Variants in ODF2 observed in about 807,000 individuals in gnomAD.
ODF2 encodes outer dense fiber protein 2.
Under a neutral mutation model 110.2 loss-of-function variants are expected in ODF2, and 47 were observed. That is an observed-to-expected ratio of 0.43 (90% CI 0.34 to 0.54). ODF2 has a LOEUF of 0.54. Among genes scored for constraint, ODF2 ranks in the 20% least tolerant of loss-of-function variants. The pLI, the probability that ODF2 is intolerant of heterozygous loss-of-function variation, is 0.03. For synonymous variants in ODF2, 352 were observed against 397.7 expected (o/e 0.89, Z 1.37); for missense variants, 812 against 1,054.5 (o/e 0.77, Z 3.19).
At chr9:128,500,401 C>A in exon 21 of ODF2, 1 of 709,206 alleles carries the variant, frequency 1.4e-6, no homozygotes, top group Non-Finnish European at 2.3e-6. Context: ...CTAGAAAAGT[C>A]CCAAAAGCAG....
intron 8 of ODF2, among the ~76,000 whole-genome samples, chr9:128,478,160 C>A (rs1442869620): frequency 6.6e-6 from 1 of 152,114 alleles, no homozygotes; most frequent in Non-Finnish European, 1.5e-5. Context: ...CCACACCTGG[C>A]TAATTTTTTG....
chr9:128,461,133 G>A, intron 4 of ODF2, 66 bp downstream of exon 4: 6 of 1,566,642 alleles, frequency 3.8e-6, no homozygotes, highest in Non-Finnish European at 4.3e-6. Flanking sequence ...CTCAGCCTCG[G>A]TATGATTCAG....
rs115149570 is a variant in ODF2 at position 128,491,774 on chromosome 9, C to T, written c.1537-652C>T. Among the ~76,000 whole-genome samples the T allele has an allele frequency of 4.9e-3, 744 of 151,750 alleles. 12 individuals carry two copies. The highest frequency in any genetic ancestry group is 0.017 in the African/African-American group (716 of 41,392). On this transcript the variant is annotated intron_variant, in intron 14 of 20. Transcript: ENST00000604420. ...TATAGTATAGTCTCATTCTTTTTGA[C>T]AGAAACGAAAAAGTTATGCAGCTAT... is the stretch of plus-strand genomic sequence containing the variant.
At chr9:128,456,116 C>T (rs1296091954), upstream of ODF2, 6 of 1,546,958 alleles carry the variant, frequency 3.9e-6, no homozygotes, top group African/African-American at 8.2e-5. Context: ...GACCGGGTGT[C>T]GGAAAAGGAG....
intron 5 of ODF2, among the ~76,000 whole-genome samples, chr9:128,470,768 G>C (rs1252777465): frequency 6.6e-6 from 1 of 152,096 alleles, no homozygotes; most frequent in Admixed American, 6.6e-5. Context: ...GGGGCTCTCT[G>C]TACTGAGTTT....
chr9:128,471,590 G>A (rs926804409), intron 6 of ODF2, 122 bp downstream of exon 6: 1 of 812,830 alleles, frequency 1.2e-6, no homozygotes, highest in Non-Finnish European at 1.9e-6. Context: ...GTGCCCTGGA[G>A]CCTGTTCAAC....
chr9:128,461,771 GA>G (rs921566618), intron 4 of ODF2, among the ~76,000 whole-genome samples: 1 of 149,996 alleles, frequency 6.7e-6, no homozygotes, highest in African/African-American at 2.4e-5. Context: ...GCAGTGAAAA[GA>G]AAAAAAAATA....
chr9:128,481,471 TAA>T (rs111998298), intron 8 of ODF2, 107 bp from the exon 9 acceptor site: 3,336 of 657,414 alleles, frequency 5.1e-3, no homozygotes, highest in Non-Finnish European at 5.6e-3. Context: ...AGTAAGACTC[TAA>T]AAAAAAAAAA....
In ODF2 at chr9:128,492,366, G is replaced by A. The variant is rs1326634593; in HGVS notation, c.1537-60G>A. The A allele has an allele frequency of 2.7e-6, 3 of 1,117,620 alleles. No individual in the cohort carries two copies. The African/African-American group carries it at 4.6e-5, about 17-fold the overall frequency. 69.2% of individuals were successfully genotyped at this position (1,117,620 alleles called of 1,614,324 possible). A position where few individuals can be genotyped will look rare whatever the true frequency, so the allele number is the denominator to read the frequency against. On this transcript the variant is annotated intron_variant, in intron 14 of 20. Coordinates refer to ENST00000604420, the Ensembl canonical transcript of ODF2. ...TCTGGTTCTTTGGATAGAGTTGAGG[G>A]TAGGAGGTCCACCTGAAGCAGAACC...
At chr9:128,484,500 G>A (rs1463646358) in intron 11 of ODF2, among the ~76,000 whole-genome samples, 1 of 152,216 alleles carries the variant, frequency 6.6e-6, no homozygotes, top group Non-Finnish European at 1.5e-5. Flanking sequence ...GATCCAGGGA[G>A]GTGTCGTGGG....
At chr9:128,457,467 G>C (rs202012381) in intron 2 of ODF2, 3 of 1,581,322 alleles carry the variant, frequency 1.9e-6, no homozygotes, top group Non-Finnish European at 2.6e-6. Context: ...CGCCTGCGCC[G>C]GAGGGCAGGG....
At chr9:128,490,678 A>T (rs913526742) in intron 14 of ODF2, among the ~76,000 whole-genome samples, 1 of 152,224 alleles carries the variant, frequency 6.6e-6, no homozygotes, top group Admixed American at 6.5e-5. Flanking sequence ...TTCGCTAGCC[A>T]TGAACATATA....
At chr9:128,488,418 CTG>C (rs1432541489) in intron 14 of ODF2, among the ~76,000 whole-genome samples, 1 of 152,084 alleles carries the variant, frequency 6.6e-6, no homozygotes, top group African/African-American at 2.4e-5. Context: ...GAGAGAGACT[CTG>C]TGTCAAAAAA....
intron 17 of ODF2, among the ~76,000 whole-genome samples, chr9:128,495,793 G>A (rs1469208172): frequency 2.0e-5 from 3 of 152,120 alleles, no homozygotes; most frequent in Admixed American, 6.5e-5. Context: ...TCCCCTGATC[G>A]AGAAAGCATC....
chr9:128,462,571 C>A (rs1041520606), intron 4 of ODF2, among the ~76,000 whole-genome samples: 1 of 151,894 alleles, frequency 6.6e-6, no homozygotes, highest in Non-Finnish European at 1.5e-5. Context: ...GTCCTAAAAA[C>A]ATCATAGAAG....
exon 2 of ODF2, chr9:128,457,224 A>G (rs1835123470): frequency 6.3e-7 from 1 of 1,579,046 alleles, no homozygotes; most frequent in Non-Finnish European, 8.6e-7. Context: ...CTTGGACAGT[A>G]GAGGAGCGCC....
intron 1 of ODF2, chr9:128,456,657 C>T (rs1834883204): frequency 1.4e-5 from 21 of 1,474,530 alleles, no homozygotes; most frequent in Non-Finnish European, 1.5e-5. Flanking sequence ...CCGACCGCCT[C>T]GTCCTCTCCT....
chr9:128,457,378 C>T (rs776836225), exon 2 of ODF2: 21 of 1,612,782 alleles, frequency 1.3e-5, no homozygotes, highest in Non-Finnish European at 1.8e-5. Context: ...GACCCAATTG[C>T]CCACCTTTGC....
At chr9:128,473,922 C>T (rs12347774) in intron 8 of ODF2, among the ~76,000 whole-genome samples, 181 bp downstream of exon 8, 6,250 of 152,072 alleles carry the variant, frequency 0.041, 367 homozygotes, top group East Asian at 0.24. Flanking sequence ...TCTTAGATGC[C>T]GTTGAATCCA....
Sources: gnomAD v4.1 joint callset for allele counts (sites outside exome capture counted in the v4.1 genomes callset) on GRCh38, gnomAD v4.1.1 for gene constraint, MANE v1.5 for transcripts, NCBI Gene and HGNC (gene_info 2026-07-23, HGNC 2026-07-21) for gene names.